Variants in TMEM163 observed in about 807,000 individuals in gnomAD.
TMEM163 encodes the protein transmembrane protein 163.
A neutral mutation model predicts 29.3 loss-of-function variants in TMEM163; 17 were observed. The ratio of observed to expected loss-of-function variants is 0.58; its 90% CI spans 0.40 to 0.87. TMEM163 has a LOEUF of 0.87. Ranked by LOEUF, TMEM163 falls within the 40% of genes least tolerant of loss-of-function variation. TMEM163 has a pLI of 0.00. For missense variants in TMEM163, 303 were observed against 381.5 expected (o/e 0.79, Z 1.71); for synonymous variants, 157 against 160.6 (o/e 0.98, Z 0.17).
intron 2 of TMEM163, among the ~76,000 whole-genome samples, chr2:134,587,539 G>A (rs842358): frequency 0.38 from 57,133 of 152,042 alleles, 12,432 homozygotes; most frequent in East Asian, 0.77. Flanking sequence ...CTTCCTGCAC[G>A]TCCAGGTCAA....
intron 2 of TMEM163, among the ~76,000 whole-genome samples, chr2:134,631,164 T>A (rs1048300665): frequency 1.3e-5 from 2 of 152,146 alleles, no homozygotes; most frequent in East Asian, 3.9e-4. Flanking sequence ...GGTTTACAGA[T>A]CTTGGACTGG....
intron 2 of TMEM163, among the ~76,000 whole-genome samples, chr2:134,562,441 C>T (rs1490396126): frequency 2.0e-5 from 3 of 152,238 alleles, no homozygotes; most frequent in Non-Finnish European, 4.4e-5. Context: ...CAAAAGCTAA[C>T]ACTACGGGCA....
At chr2:134,507,543 G>A (rs1169363421) in intron 4 of TMEM163, among the ~76,000 whole-genome samples, 3 of 152,100 alleles carry the variant, frequency 2.0e-5, no homozygotes, top group Non-Finnish European at 2.9e-5. Flanking sequence ...AAGCCCTTCA[G>A]GTGATTCTGA....
chr2:134,507,300 CACT>C (rs1442041092), intron 4 of TMEM163, among the ~76,000 whole-genome samples: 1 of 152,014 alleles, frequency 6.6e-6, no homozygotes, highest in East Asian at 1.9e-4. Context: ...CACACCACTA[CACT>C]CCAGCCTGGG....
At chr2:134,532,369 A>C (rs1405510352) in intron 4 of TMEM163, among the ~76,000 whole-genome samples, 1 of 152,262 alleles carries the variant, frequency 6.6e-6, no homozygotes, top group Non-Finnish European at 1.5e-5. Context: ...AGTAAAGCCT[A>C]TCTTCTTGAA....
chr2:134,610,389 C>G (rs1482380923), intron 2 of TMEM163, among the ~76,000 whole-genome samples: 1 of 152,184 alleles, frequency 6.6e-6, no homozygotes, highest in Middle Eastern at 3.2e-3. Context: ...CAAATCTCAG[C>G]GTGATCCGAG....
At chr2:134,494,801 G>A (rs949198301) in intron 5 of TMEM163, among the ~76,000 whole-genome samples, 1 of 152,350 alleles carries the variant, frequency 6.6e-6, no homozygotes, top group African/African-American at 2.4e-5. Context: ...GGGTTGGGCT[G>A]TCTCCTGGGC....
chr2:134,581,664 G>C (rs568960130), intron 2 of TMEM163, among the ~76,000 whole-genome samples: 1 of 152,236 alleles, frequency 6.6e-6, no homozygotes, highest in South Asian at 2.1e-4. Flanking sequence ...TGAGGTTGAT[G>C]AGAAAACAAG....
At chr2:134,497,821 A>C (rs913855166) in intron 5 of TMEM163, among the ~76,000 whole-genome samples, 2 of 152,172 alleles carry the variant, frequency 1.3e-5, no homozygotes, top group Non-Finnish European at 2.9e-5. Flanking sequence ...TTCCCCAGAC[A>C]AAGACAGCTA....
At chr2:134,504,379 C>G (rs1447713600) in intron 4 of TMEM163, among the ~76,000 whole-genome samples, 1 of 152,050 alleles carries the variant, frequency 6.6e-6, no homozygotes, top group Non-Finnish European at 1.5e-5. Context: ...TAGGAATCAG[C>G]ACAGACTTGA....
chr2:134,587,025 A>T (rs1220126357), intron 2 of TMEM163, among the ~76,000 whole-genome samples: 3 of 152,084 alleles, frequency 2.0e-5, no homozygotes, highest in African/African-American at 7.2e-5. Context: ...TGGACTTAAG[A>T]TCTCATCTGT....
chr2:134,539,012 A>C (rs910235513), intron 4 of TMEM163, among the ~76,000 whole-genome samples: 1 of 152,232 alleles, frequency 6.6e-6, no homozygotes, highest in African/African-American at 2.4e-5. Flanking sequence ...AAGCTACTTT[A>C]TAAAAACCAC....
intron 5 of TMEM163, among the ~76,000 whole-genome samples, chr2:134,496,213 C>G (rs1322404964): frequency 6.6e-6 from 1 of 152,252 alleles, no homozygotes; most frequent in East Asian, 1.9e-4. Context: ...AGGTGCCCAC[C>G]ACCACGCCCA....
chr2:134,508,767 C>A (rs1415081344), intron 4 of TMEM163, among the ~76,000 whole-genome samples: 1 of 151,696 alleles, frequency 6.6e-6, no homozygotes, highest in Non-Finnish European at 1.5e-5. Context: ...TGAACTCCAG[C>A]CCCTCATCCT....
Position 134,507,431 on chromosome 2 carries a change from G to A in TMEM163, c.459-4434C>T, listed in dbSNP as rs188498325. On this transcript the variant is annotated intron_variant, in intron 4 of 7. Coordinates refer to ENST00000281924, the MANE Select transcript of TMEM163 (RefSeq NM_030923.5). The stretch of plus-strand genomic sequence containing the variant: ...TGGTCCACGAATCAGCAGCACCCGC[G>A]TCACATAAGAACTTGGTGGAAAAGC... Among the ~76,000 whole-genome samples, 44 of 152,266 alleles carry A rather than the reference G, an allele frequency of 2.9e-4. No homozygotes were observed. In the South Asian group the frequency reaches 5.8e-3, roughly 20 times the overall value.
chr2:134,646,569 C>T (rs1042353082), intron 2 of TMEM163, among the ~76,000 whole-genome samples: 4 of 152,144 alleles, frequency 2.6e-5, no homozygotes, highest in Non-Finnish European at 5.9e-5. Context: ...CTCAGCCTCC[C>T]ACGTAGCTGG....
At chr2:134,513,784 T>G (rs1361340079) in intron 4 of TMEM163, among the ~76,000 whole-genome samples, 1 of 152,128 alleles carries the variant, frequency 6.6e-6, no homozygotes, top group Non-Finnish European at 1.5e-5. Flanking sequence ...CCCAGGCCCC[T>G]GACCCAAGCT....
intron 2 of TMEM163, among the ~76,000 whole-genome samples, chr2:134,612,614 G>T (rs984969984): frequency 6.7e-6 from 1 of 149,070 alleles, no homozygotes; most frequent in Non-Finnish European, 1.5e-5. Context: ...ACTAGTCAAA[G>T]GCATATAAGG....
intron 2 of TMEM163, among the ~76,000 whole-genome samples, chr2:134,697,285 C>T (rs947111553): frequency 1.3e-5 from 2 of 152,062 alleles, no homozygotes; most frequent in Non-Finnish European, 2.9e-5. Flanking sequence ...CAGCAGACGT[C>T]CTTATCTTCA....
Sources: allele counts gnomAD v4.1 joint callset (sites outside exome capture counted in the v4.1 genomes callset), GRCh38; gene constraint gnomAD v4.1.1; transcripts MANE v1.5; gene names NCBI Gene and HGNC (gene_info 2026-07-23, HGNC 2026-07-21).